PRDM16: variants seen among roughly 807,000 people sequenced by gnomAD.
The protein encoded by PRDM16 is histone-lysine N-methyltransferase PRDM16.
In PRDM16, 23 loss-of-function variants were observed where a neutral mutation model predicts 110.6. That is an observed-to-expected ratio of 0.21 (90% CI 0.15 to 0.29). The LOEUF is 0.29. Ranked by LOEUF, PRDM16 falls within the 10% of genes least tolerant of loss-of-function variation. The pLI is 1.00. For synonymous variants in PRDM16, 799 were observed against 781.8 expected (o/e 1.02, Z -0.37); for missense variants, 1,615 against 1,794.3 (o/e 0.90, Z 1.81).
intron 1 of PRDM16, among the ~76,000 whole-genome samples, chr1:3,074,826 G>A (rs941000496): frequency 1.3e-5 from 2 of 152,244 alleles, no homozygotes; most frequent in African/African-American, 4.8e-5. Flanking sequence ...AGCAGTCAGG[G>A]GGAGGTGGAG....
intron 4 of PRDM16, among the ~76,000 whole-genome samples, chr1:3,388,340 C>A (rs925847153): frequency 2.6e-5 from 4 of 152,152 alleles, no homozygotes; most frequent in East Asian, 1.9e-4. Flanking sequence ...TGCACACACA[C>A]CCCCACCTCT....
intron 1 of PRDM16, among the ~76,000 whole-genome samples, chr1:3,130,436 C>T (rs1229630102): frequency 6.6e-6 from 1 of 152,198 alleles, no homozygotes; most frequent in Non-Finnish European, 1.5e-5. Flanking sequence ...GAGGTGGGCC[C>T]TTCCTGCGGC....
chr1:3,114,043 A>G (rs972544174), intron 1 of PRDM16, among the ~76,000 whole-genome samples: 1 of 152,332 alleles, frequency 6.6e-6, no homozygotes, highest in African/African-American at 2.4e-5. Context: ...GAGGAGTTTC[A>G]GGGACAAAGT....
At chr1:3,186,879 A>G (rs966960102) in intron 2 of PRDM16, among the ~76,000 whole-genome samples, 3 of 152,120 alleles carry the variant, frequency 2.0e-5, no homozygotes, top group Admixed American at 2.0e-4. Context: ...GCCGCTCACA[A>G]ATCACACCTG....
chr1:3,188,505 G>A (rs1201799670), intron 2 of PRDM16, among the ~76,000 whole-genome samples: 4 of 152,202 alleles, frequency 2.6e-5, no homozygotes, highest in African/African-American at 7.2e-5. Flanking sequence ...GTGAGGGAAC[G>A]CGCTCTCCTC....
At position 3,434,670 on chromosome 1, in the gene PRDM16, C is replaced by G. The variant is rs1292568835; in HGVS notation, c.*859C>G. 1 of 232,494 alleles carries G rather than the reference C, an allele frequency of 4.3e-6. No homozygotes were observed. Among genetic ancestry groups the G allele is most frequent in the Non-Finnish European group, 8.5e-6 (1 of 117,640 alleles). The allele number at this position is 232,494 out of a possible 1,614,324, so 14.4% of individuals were successfully genotyped here. On this transcript the variant is annotated 3_prime_UTR_variant, in exon 17 of 17. Coordinates refer to ENST00000270722, the MANE Select transcript of PRDM16 (RefSeq NM_022114.4). Reference sequence around the variant, plus strand: ...AATTGGTGTCAGGACCGCCACGTGGCCTTCAGAGGAATCCACAGGTCCCCA... The same window carrying G: ...AATTGGTGTCAGGACCGCCACGTGGGCTTCAGAGGAATCCACAGGTCCCCA...
intron 1 of PRDM16, among the ~76,000 whole-genome samples, chr1:3,126,619 G>A (rs1162371630): frequency 6.6e-6 from 1 of 152,176 alleles, no homozygotes; most frequent in African/African-American, 2.4e-5. Flanking sequence ...GGTGGGCAGA[G>A]GGCTGGGGAC....
intron 1 of PRDM16, among the ~76,000 whole-genome samples, chr1:3,093,622 G>T (rs1481862332): frequency 2.0e-5 from 3 of 152,108 alleles, no homozygotes; most frequent in Non-Finnish European, 4.4e-5. Flanking sequence ...AGATTGTGGG[G>T]TTCACATGAG....
At chr1:3,124,932 G>A (rs527386140) in intron 1 of PRDM16, among the ~76,000 whole-genome samples, 32 of 152,338 alleles carry the variant, frequency 2.1e-4, no homozygotes, top group African/African-American at 6.7e-4. Context: ...TACTGGAAGC[G>A]AGCAGCTGCA....
At chr1:3,259,280 G>A (rs1640112898) in intron 3 of PRDM16, among the ~76,000 whole-genome samples, 2 of 152,232 alleles carry the variant, frequency 1.3e-5, no homozygotes, top group Non-Finnish European at 2.9e-5. Context: ...ATTCCCTCCA[G>A]GGGCTGCAGC....
intron 2 of PRDM16, among the ~76,000 whole-genome samples, chr1:3,233,016 G>A (rs1639451314): frequency 1.3e-5 from 2 of 152,200 alleles, no homozygotes; most frequent in Non-Finnish European, 2.9e-5. Context: ...CAATTTCCAG[G>A]TCATTTCTAT....
intron 1 of PRDM16, among the ~76,000 whole-genome samples, chr1:3,128,270 A>G (rs1230755216): frequency 6.6e-6 from 1 of 151,706 alleles, no homozygotes; most frequent in Non-Finnish European, 1.5e-5. Context: ...CAGCCGTGGG[A>G]ATCTGCTGCT....
intron 3 of PRDM16, among the ~76,000 whole-genome samples, chr1:3,336,873 G>T (rs1642167767): frequency 6.6e-6 from 1 of 151,264 alleles, no homozygotes; most frequent in Non-Finnish European, 1.5e-5. Flanking sequence ...ATGTGCATGT[G>T]TGAGTGCATG....
intron 1 of PRDM16, among the ~76,000 whole-genome samples, chr1:3,180,970 G>GGTCTTACACACGCA (rs1238295159): frequency 7.4e-4 from 100 of 135,442 alleles, no homozygotes; most frequent in Non-Finnish European, 5.1e-4. Flanking sequence ...TTACACACTC[G>GGTCTTACACACGCA]GTCTTACACA....
intron 1 of PRDM16, among the ~76,000 whole-genome samples, chr1:3,105,967 G>C (rs920148631): frequency 4.0e-5 from 6 of 148,784 alleles, no homozygotes; most frequent in Non-Finnish European, 5.9e-5. Context: ...CTCCTTAGTT[G>C]GGTGGGGGCA....
At chr1:3,075,622 T>C (rs1327021010) in intron 1 of PRDM16, among the ~76,000 whole-genome samples, 1 of 152,270 alleles carries the variant, frequency 6.6e-6, no homozygotes, top group Non-Finnish European at 1.5e-5. Context: ...AAATAATTTA[T>C]AATCATTTTA....
At chr1:3,366,847 C>T (rs1157827053) in intron 3 of PRDM16, among the ~76,000 whole-genome samples, 1 of 152,172 alleles carries the variant, frequency 6.6e-6, no homozygotes, top group African/African-American at 2.4e-5. Context: ...TGTCTGTGAA[C>T]ACCACGTCAG....
At chr1:3,267,007 T>C (rs996627987) in intron 3 of PRDM16, among the ~76,000 whole-genome samples, 2 of 152,320 alleles carry the variant, frequency 1.3e-5, no homozygotes, top group East Asian at 3.9e-4. Context: ...CTCCTTTTCT[T>C]TCTTTTCTTA....
intron 1 of PRDM16, among the ~76,000 whole-genome samples, chr1:3,102,467 C>T (rs558087507): frequency 6.6e-6 from 1 of 152,292 alleles, no homozygotes; most frequent in South Asian, 2.1e-4. Context: ...TATGAATCCT[C>T]AAAACCGCAT....
Sources: gnomAD v4.1 joint callset for allele counts (sites outside exome capture counted in the v4.1 genomes callset) on GRCh38, gnomAD v4.1.1 for gene constraint, MANE v1.5 for transcripts, NCBI Gene and HGNC (gene_info 2026-07-23, HGNC 2026-07-21) for gene names.